Variants in DCLK2 observed in about 807,000 individuals in gnomAD.
DCLK2 encodes serine/threonine-protein kinase DCLK2.
In DCLK2, 31 loss-of-function variants were observed where a neutral mutation model predicts 78.4. That is an observed-to-expected ratio of 0.40 (90% CI 0.30 to 0.53). The LOEUF (loss-of-function observed/expected upper bound fraction) is 0.53, where lower values mean the gene tolerates loss of function less well. Ranked by LOEUF, DCLK2 falls within the 20% of genes least tolerant of loss-of-function variation. The pLI is 0.61. For synonymous variants in DCLK2, 407 were observed against 374.9 expected, an observed-to-expected ratio of 1.09 and a Z score of -0.99; for missense variants, 872 against 973.7, an observed-to-expected ratio of 0.90 and a Z score of 1.39.
chr4:150,079,231 G>A lies in DCLK2; in HGVS notation c.204G>A (p.Glu68=). ...RTRTLQALSS[E]KKAKKARFYR... is the part of the protein sequence containing the mutation. ...GGACCCTGCAGGCCCTCAGCTCGGA[G>A]AAGAAGGCCAAGAAGGCGCGCTTCT... is the stretch of plus-strand genomic sequence containing the variant. Residue 68 remains glutamate, a synonymous_variant, in exon 1 of 16, where the codon GAG becomes GAA. Transcript: ENST00000296550. 1 of 1,610,808 alleles carries A rather than the reference G, an allele frequency of 6.2e-7. No individual in the cohort carries two copies. Among genetic ancestry groups the A allele is most frequent in the Non-Finnish European group, 8.5e-7 (1 of 1,178,646 alleles).
At chr4:150,153,589 T>C (rs1735045745) in intron 2 of DCLK2, among the ~76,000 whole-genome samples, 1 of 151,902 alleles carries the variant, frequency 6.6e-6, no homozygotes, top group Admixed American at 6.6e-5. Context: ...TTTAAATAAT[T>C]TTTTAGTAGA....
At chr4:150,128,694 C>T (rs1733084513) in intron 2 of DCLK2, among the ~76,000 whole-genome samples, 1 of 152,094 alleles carries the variant, frequency 6.6e-6, no homozygotes, top group Non-Finnish European at 1.5e-5. Flanking sequence ...AGGAAGCAGA[C>T]ATTCCTAAAG....
chr4:150,173,903 A>G (rs1457319487), intron 2 of DCLK2, among the ~76,000 whole-genome samples: 1 of 152,174 alleles, frequency 6.6e-6, no homozygotes, highest in Non-Finnish European at 1.5e-5. Context: ...TATTTATTTG[A>G]CAACGATTTT....
At chr4:150,235,231 C>T (rs1742401846) in intron 10 of DCLK2, among the ~76,000 whole-genome samples, 2 of 152,218 alleles carry the variant, frequency 1.3e-5, no homozygotes, top group South Asian at 4.1e-4. Context: ...ATCTCACTCT[C>T]ACCTCCTGTT....
At chr4:150,118,624 CA>C (rs113555441) in intron 2 of DCLK2, among the ~76,000 whole-genome samples, 20,854 of 152,026 alleles carry the variant, frequency 0.14, 1,819 homozygotes, top group Non-Finnish European at 0.19. Context: ...GTAAACAATT[CA>C]GAAATACGAA....
At position 150,216,493 on chromosome 4, in the gene DCLK2, G is replaced by T. The variant is rs566351372; in HGVS notation, c.1057-4210G>T. 9.0e-4 allele frequency among the ~76,000 whole-genome samples: 137 copies of T among 152,268 alleles called. 1 individual carries two copies. Among genetic ancestry groups the T allele is most frequent in the African/African-American group, 3.2e-3 (134 of 41,568 alleles). ...TCTCTACCAAAAATTTAAAAAATTAGTCGGGCGTGGTGGCGGGTGCTTGTA... is the reference window on the plus strand; with the variant it reads ...TCTCTACCAAAAATTTAAAAAATTATTCGGGCGTGGTGGCGGGTGCTTGTA... On this transcript the variant is annotated intron_variant, in intron 5 of 15. Coordinates refer to ENST00000296550, the MANE Select transcript of DCLK2 (RefSeq NM_001040260.4).
intron 2 of DCLK2, among the ~76,000 whole-genome samples, chr4:150,119,398 A>C (rs562766921): frequency 5.4e-4 from 83 of 152,314 alleles, no homozygotes; most frequent in African/African-American, 2.0e-3. Flanking sequence ...GAGACTCTTA[A>C]GCATTTTGTG....
At position 150,079,303 on chromosome 4, in the gene DCLK2, C is replaced by T. The variant is rs1729058802; in HGVS notation, c.276C>T (p.Ser92=). 1.3e-6 allele frequency: 2 copies of T among 1,596,416 alleles called. No homozygotes were observed. The highest frequency in any genetic ancestry group is 2.3e-5 in the East Asian group (1 of 43,550). ...RYFKGLVFAI[S]SDRFRSFDAL... ...TCAAGGGCCTGGTGTTTGCCATCTC[C>T]AGCGACCGCTTCCGGTCCTTCGATG... The change falls in exon 1 of 16, where the codon TCC becomes TCT. Residue 92 remains serine, a synonymous_variant. Coordinates refer to ENST00000296550, the MANE Select transcript of DCLK2 (RefSeq NM_001040260.4).
chr4:150,248,741 C>G (rs1169237878), intron 14 of DCLK2, among the ~76,000 whole-genome samples: 2 of 152,036 alleles, frequency 1.3e-5, no homozygotes, highest in Admixed American at 1.3e-4. Context: ...TGGAGATGAG[C>G]CTGTTTCAGA....
At chr4:150,123,298 G>A (rs1732696385) in intron 2 of DCLK2, among the ~76,000 whole-genome samples, 1 of 152,108 alleles carries the variant, frequency 6.6e-6, no homozygotes, top group Non-Finnish European at 1.5e-5. Flanking sequence ...AGAGGCCATT[G>A]TAGTGTTATT....
chr4:150,098,896 G>C (rs1370437502), intron 1 of DCLK2, among the ~76,000 whole-genome samples: 1 of 151,918 alleles, frequency 6.6e-6, no homozygotes, highest in Non-Finnish European at 1.5e-5. Context: ...GAGTTTCACC[G>C]TGTTGGCCAG....
chr4:150,235,914 G>A (rs138459210), intron 10 of DCLK2, among the ~76,000 whole-genome samples: 7 of 152,310 alleles, frequency 4.6e-5, no homozygotes, highest in Admixed American at 2.6e-4. Context: ...GTGTCAGGGA[G>A]CACAGGGGTG....
intron 2 of DCLK2, among the ~76,000 whole-genome samples, chr4:150,140,441 T>G (rs1734036032): frequency 6.6e-6 from 1 of 152,120 alleles, no homozygotes; most frequent in African/African-American, 2.4e-5. Flanking sequence ...AGCAAAGGGG[T>G]CCACAGGGTT....
chr4:150,136,292 A>G (rs746950931), intron 2 of DCLK2, among the ~76,000 whole-genome samples: 1 of 152,222 alleles, frequency 6.6e-6, no homozygotes, highest in Admixed American at 6.5e-5. Flanking sequence ...GATAAAGTCC[A>G]GGATGTGGCA....
chr4:150,212,085 G>A (rs1246303852), intron 5 of DCLK2, among the ~76,000 whole-genome samples: 1 of 152,214 alleles, frequency 6.6e-6, no homozygotes, highest in Non-Finnish European at 1.5e-5. Context: ...GACACTGAGG[G>A]ATAAAATGTT....
intron 2 of DCLK2, among the ~76,000 whole-genome samples, chr4:150,173,393 C>T (rs878890185): frequency 4.6e-5 from 7 of 152,034 alleles, no homozygotes; most frequent in Non-Finnish European, 8.8e-5. Flanking sequence ...TTTGGTGTCT[C>T]GATGTCTGTG....
intron 2 of DCLK2, among the ~76,000 whole-genome samples, chr4:150,124,590 G>A (rs1253581933): frequency 6.6e-6 from 1 of 152,066 alleles, no homozygotes; most frequent in Non-Finnish European, 1.5e-5. Flanking sequence ...GTATATTTTT[G>A]TGGTAAAATA....
intron 2 of DCLK2, among the ~76,000 whole-genome samples, chr4:150,175,119 TTTTATATATATATAA>T (rs1197637350): frequency 1.0e-5 from 1 of 98,804 alleles, no homozygotes; most frequent in African/African-American, 5.3e-5. Context: ...TATTTATATT[TTTTATATATATATAA>T]TTTATGTATA....
chr4:150,251,608 G>A (rs1419176696), intron 15 of DCLK2, among the ~76,000 whole-genome samples: 3 of 18,922 alleles, frequency 1.6e-4, no homozygotes, highest in African/African-American at 2.7e-4. Context: ...CCCCACACCC[G>A]AACACACCCC....
Sources: gnomAD v4.1 joint callset for allele counts (sites outside exome capture counted in the v4.1 genomes callset) on GRCh38, gnomAD v4.1.1 for gene constraint, MANE v1.5 for transcripts, NCBI Gene and HGNC (gene_info 2026-07-23, HGNC 2026-07-21) for gene names.